The following MAMLD1 variants were observed in gnomAD, a reference collection of about 807,000 sequenced individuals.
MAMLD1 encodes mastermind like domain containing 1, also known as mastermind-like domain-containing protein 1.
Under a neutral mutation model 45.0 loss-of-function variants are expected in MAMLD1, and 14 were observed. The observed-to-expected ratio is 0.31, with a 90% confidence interval of 0.21 to 0.49. The LOEUF is 0.49. Among genes scored for constraint, MAMLD1 ranks in the 20% least tolerant of loss-of-function variants. The pLI, the probability that MAMLD1 is intolerant of heterozygous loss-of-function variation, is 0.99. For missense variants in MAMLD1, 543 were observed against 603.6 expected, an observed-to-expected ratio of 0.90 and a Z score of 1.05; for synonymous variants, 254 against 247.8, an observed-to-expected ratio of 1.02 and a Z score of -0.24.
At chrX:150,399,292 G>A (rs1277088491) in intron 1 of MAMLD1, among the ~76,000 whole-genome samples, 1 of 111,799 alleles carries the variant, frequency 8.9e-6, no homozygotes, top group Non-Finnish European at 1.9e-5. Context: ...TCCAAAGACA[G>A]ATTTGAATGA....
chrX:150,475,088 C>A (rs2036545650), intron 5 of MAMLD1, among the ~76,000 whole-genome samples: 2 of 112,152 alleles, frequency 1.8e-5, no homozygotes, highest in Admixed American at 9.4e-5. Context: ...CAAGCTGAGC[C>A]TCAGGAACAC....
intron 5 of MAMLD1, among the ~76,000 whole-genome samples, chrX:150,478,823 A>T (rs2036662377): frequency 8.9e-6 from 1 of 112,722 alleles, no homozygotes; most frequent in South Asian, 3.6e-4. Flanking sequence ...TAGTTTTACC[A>T]TTCTTTCTAA....
intron 5 of MAMLD1, among the ~76,000 whole-genome samples, chrX:150,488,473 T>G (rs977935435): frequency 8.9e-6 from 1 of 112,983 alleles, no homozygotes; most frequent in Non-Finnish European, 1.9e-5. Flanking sequence ...TATGAACTTA[T>G]GACACTCTAT....
intron 5 of MAMLD1, 34 bp downstream of exon 5, chrX:150,473,836 G>T (rs1161888283): frequency 8.4e-7 from 1 of 1,197,327 alleles, no homozygotes; most frequent in Non-Finnish European, 1.1e-6. Flanking sequence ...TCTTCAATTG[G>T]GTACATTTTT....
chrX:150,477,077 G>T (rs1348110486), intron 5 of MAMLD1, among the ~76,000 whole-genome samples: 1 of 113,418 alleles, frequency 8.8e-6, no homozygotes, highest in African/African-American at 3.2e-5. Flanking sequence ...GGCCTTGGCA[G>T]GGGACAGGCC....
At position 150,512,461 on chromosome X, in the gene MAMLD1, A is replaced by G; in HGVS notation, c.*502A>G. The G allele has an allele frequency of 8.7e-7, 1 of 1,155,963 alleles. No individual in the cohort carries two copies. Among genetic ancestry groups the G allele is most frequent in the Non-Finnish European group, 1.1e-6 (1 of 872,890 alleles). On this transcript the variant is annotated 3_prime_UTR_variant, in exon 8 of 8. Coordinates refer to ENST00000370401, the MANE Select transcript of MAMLD1 (RefSeq NM_005491.5). ...CTGTGACCACAGCAGTTTCGGGGAAAACACCCCTCAGCCAAGTGGATAATA... is the reference window on the plus strand; with the variant it reads ...CTGTGACCACAGCAGTTTCGGGGAAGACACCCCTCAGCCAAGTGGATAATA...
chrX:150,489,700 T>A (rs1246208763), intron 5 of MAMLD1, among the ~76,000 whole-genome samples: 1 of 109,201 alleles, frequency 9.2e-6, no homozygotes, highest in African/African-American at 3.3e-5. Flanking sequence ...GTTCCCTCGA[T>A]GTTTGTGGTA....
chrX:150,455,046 C>A (rs1354631751), intron 2 of MAMLD1, among the ~76,000 whole-genome samples: 1 of 78,210 alleles, frequency 1.3e-5, no homozygotes, highest in Non-Finnish European at 2.6e-5. Context: ...CTTCATGATG[C>A]AATCATAGAC....
rs782260368 is a variant in MAMLD1 at position 150,451,149 on chromosome X, G to T, written c.96+5537G>T. Among the ~76,000 whole-genome samples the T allele has an allele frequency of 2.7e-5, 3 of 112,729 alleles. No homozygotes were observed. In the South Asian group the frequency reaches 1.1e-3, roughly 41 times the overall value. ...GTCTGTTTGAAGGGAGAGTGCTGGT[G>T]AGGGGAGCTCCATTTTTCAGCTGGT... On this transcript the variant is annotated intron_variant, in intron 2 of 7. Coordinates refer to ENST00000370401, the MANE Select transcript of MAMLD1 (RefSeq NM_005491.5).
intron 5 of MAMLD1, among the ~76,000 whole-genome samples, chrX:150,475,809 G>A (rs956972003): frequency 1.8e-5 from 2 of 111,991 alleles, no homozygotes; most frequent in African/African-American, 6.5e-5. Context: ...GCTTAGAACG[G>A]TGCCCAGCAC....
intron 1 of MAMLD1, among the ~76,000 whole-genome samples, chrX:150,416,640 C>T (rs2034255722): frequency 8.9e-6 from 1 of 112,283 alleles, no homozygotes; most frequent in South Asian, 3.6e-4. Flanking sequence ...GCAATTTTCC[C>T]ACTGTCTTTG....
At chrX:150,493,151 C>T (rs1030455844) in intron 5 of MAMLD1, among the ~76,000 whole-genome samples, 2 of 111,524 alleles carry the variant, frequency 1.8e-5, no homozygotes, top group African/African-American at 6.5e-5. Context: ...AATCCTGAAC[C>T]TCGGAAGGGT....
At chrX:150,508,781 G>C (rs190605728) in intron 6 of MAMLD1, among the ~76,000 whole-genome samples, 127 of 112,351 alleles carry the variant, frequency 1.1e-3, no homozygotes, top group African/African-American at 4.0e-3. Flanking sequence ...TCTTCGGGGG[G>C]ACACAGACCA....
chrX:150,449,732 G>C (rs1228780678), intron 2 of MAMLD1, among the ~76,000 whole-genome samples: 1 of 110,735 alleles, frequency 9.0e-6, no homozygotes, highest in Non-Finnish European at 1.9e-5. Flanking sequence ...GGTCCCTTCT[G>C]TGTGCCTGGC....
At chrX:150,416,340 G>A (rs1557403041) in intron 1 of MAMLD1, among the ~76,000 whole-genome samples, 3 of 111,458 alleles carry the variant, frequency 2.7e-5, no homozygotes, top group Admixed American at 9.6e-5. Flanking sequence ...AGGGGAACTC[G>A]ACGTAACACA....
intron 7 of MAMLD1, 80 bp from the exon 8 acceptor site, chrX:150,511,924 A>G (rs1468129393): frequency 6.5e-5 from 61 of 934,964 alleles, no homozygotes; most frequent in Non-Finnish European, 8.1e-5. Context: ...GTGTTGGGCC[A>G]GGAGCTACCC....
At chrX:150,435,451 T>C (rs782178864) in intron 1 of MAMLD1, among the ~76,000 whole-genome samples, 9 of 111,501 alleles carry the variant, frequency 8.1e-5, no homozygotes, top group Non-Finnish European at 1.3e-4. Flanking sequence ...GAGGTGGAGG[T>C]TGCAATGAGT....
At chrX:150,410,887 C>G (rs2034107335) in intron 1 of MAMLD1, among the ~76,000 whole-genome samples, 1 of 112,344 alleles carries the variant, frequency 8.9e-6, no homozygotes, top group South Asian at 3.7e-4. Context: ...ACAAGCTTGT[C>G]CAACCCATGG....
intron 1 of MAMLD1, among the ~76,000 whole-genome samples, chrX:150,408,965 G>A (rs2034059396): frequency 9.0e-6 from 1 of 111,723 alleles, no homozygotes; most frequent in African/African-American, 3.3e-5. Context: ...ATGAAGATGT[G>A]GAATCTGGCG....
Sources: allele counts gnomAD v4.1 joint callset (sites outside exome capture counted in the v4.1 genomes callset), GRCh38; gene constraint gnomAD v4.1.1; transcripts MANE v1.5; gene names NCBI Gene and HGNC (gene_info 2026-07-23, HGNC 2026-07-21).